CYP7B1: variants seen among roughly 807,000 people sequenced by gnomAD.
CYP7B1 encodes the protein cytochrome P450 7B1.
A neutral mutation model predicts 42.7 loss-of-function variants in CYP7B1; 29 were observed. That is an observed-to-expected ratio of 0.68 (90% CI 0.51 to 0.93). The LOEUF is 0.93. Ranked by LOEUF, CYP7B1 falls within the 40% of genes least tolerant of loss-of-function variation. CYP7B1 has a pLI of 0.00. For missense variants in CYP7B1, 655 were observed against 600.5 expected, an observed-to-expected ratio of 1.09 and a Z score of -0.95; for synonymous variants, 235 against 218.2, an observed-to-expected ratio of 1.08 and a Z score of -0.68.
chr8:64,586,662 C>CT (rs1441211366), downstream of CYP7B1, among the ~76,000 whole-genome samples: 1 of 152,180 alleles, frequency 6.6e-6, no homozygotes, highest in East Asian at 1.9e-4. Flanking sequence ...ACAAAGGTGC[C>CT]TTTAAACAAA....
chr8:64,705,229 T>G (rs1300917406), intron 1 of CYP7B1, among the ~76,000 whole-genome samples: 2 of 149,876 alleles, frequency 1.3e-5, no homozygotes, highest in African/African-American at 4.9e-5. Flanking sequence ...TTCAAAAAGG[T>G]GGGGGGGGGA....
At chr8:64,633,468 T>C (rs368581146) in intron 1 of CYP7B1, among the ~76,000 whole-genome samples, 6 of 152,270 alleles carry the variant, frequency 3.9e-5, no homozygotes, top group Admixed American at 2.6e-4. Context: ...CAATGAACAA[T>C]TGGTATTTGA....
intron 1 of CYP7B1, among the ~76,000 whole-genome samples, chr8:64,632,821 C>G (rs1293589539): frequency 6.6e-6 from 1 of 151,974 alleles, no homozygotes; most frequent in Non-Finnish European, 1.5e-5. Context: ...TATCCAATAT[C>G]ATTCTGGAAG....
At chr8:64,657,932 T>C (rs1168584560) in intron 1 of CYP7B1, among the ~76,000 whole-genome samples, 1 of 152,238 alleles carries the variant, frequency 6.6e-6, no homozygotes, top group Non-Finnish European at 1.5e-5. Flanking sequence ...CTCATAGTTC[T>C]GGAGGCTGGG....
intron 1 of CYP7B1, among the ~76,000 whole-genome samples, chr8:64,685,171 G>A (rs1184336407): frequency 9.2e-5 from 14 of 151,974 alleles, no homozygotes; most frequent in African/African-American, 4.8e-5. Context: ...GGCGAGCGCC[G>A]CCCGGGAGGC....
At chr8:64,780,575 C>A (rs1563425974) in intron 1 of CYP7B1, among the ~76,000 whole-genome samples, 1 of 152,032 alleles carries the variant, frequency 6.6e-6, no homozygotes, top group Non-Finnish European at 1.5e-5. Flanking sequence ...ATGCCAAACC[C>A]ATAAAAATGA....
intron 1 of CYP7B1, among the ~76,000 whole-genome samples, chr8:64,731,636 T>C (rs548011839): frequency 1.3e-5 from 2 of 152,320 alleles, no homozygotes; most frequent in Admixed American, 1.3e-4. Context: ...GAGCTGAATG[T>C]TAATCACAAA....
intron 1 of CYP7B1, among the ~76,000 whole-genome samples, chr8:64,680,099 T>G (rs1472459362): frequency 6.6e-6 from 1 of 151,906 alleles, no homozygotes; most frequent in African/African-American, 2.4e-5. Context: ...ACCATTATAC[T>G]CTGCTTGTAT....
intron 1 of CYP7B1, among the ~76,000 whole-genome samples, chr8:64,696,025 A>G (rs1806823296): frequency 6.6e-6 from 1 of 152,216 alleles, no homozygotes; most frequent in Admixed American, 6.6e-5. Flanking sequence ...ATTGGACATT[A>G]ATTCATTCCT....
At chr8:64,644,860 T>G (rs1805924019) in intron 1 of CYP7B1, among the ~76,000 whole-genome samples, 1 of 151,444 alleles carries the variant, frequency 6.6e-6, no homozygotes, top group African/African-American at 2.4e-5. Context: ...GCTGCACCCA[T>G]TAACTCGTCA....
rs1344888676 is a variant in CYP7B1 at position 64,685,763 on chromosome 8, G to T, written c.123-61224C>A. Among the ~76,000 whole-genome samples, 68 of 59,114 alleles carry T rather than the reference G, an allele frequency of 1.2e-3. 13 individuals are homozygous for T. Among genetic ancestry groups the T allele is most frequent in the African/African-American group, 3.4e-3 (68 of 19,898 alleles). 38.8% of individuals were successfully genotyped at this position (59,114 alleles called of 152,430 possible). ...TCTCCGCCCGGCAGCCACCCCATCCGGGAGGGAGGTGGGGGGGGGTCAGCC... is the reference window on the plus strand; with the variant it reads ...TCTCCGCCCGGCAGCCACCCCATCCTGGAGGGAGGTGGGGGGGGGTCAGCC... On this transcript the variant is annotated intron_variant, in intron 1 of 5. Coordinates refer to ENST00000310193, the MANE Select transcript of CYP7B1 (RefSeq NM_004820.5).
chr8:64,615,905 T>G lies in CYP7B1; in HGVS notation c.636A>C (p.Leu212=). Residue 212 remains leucine, a synonymous_variant, in exon 3 of 6, where the codon CTA becomes CTC. Transcript: ENST00000310193. The part of the protein sequence containing the change: ...VCDNNKFISE[L]RDDFLKFDDK... ...CATCAAATTTTAAAAAATCATCTCTTAGCTCACTAATAAATTTGTTGTTGT... is the reference window on the plus strand; with the variant it reads ...CATCAAATTTTAAAAAATCATCTCTGAGCTCACTAATAAATTTGTTGTTGT... 1 of 1,613,632 alleles carries G rather than the reference T, an allele frequency of 6.2e-7. No homozygotes were observed. Among genetic ancestry groups the G allele is most frequent in the Non-Finnish European group, 8.5e-7 (1 of 1,179,766 alleles).
chr8:64,641,994 A>G (rs1274647737), intron 1 of CYP7B1, among the ~76,000 whole-genome samples: 1 of 152,322 alleles, frequency 6.6e-6, no homozygotes, highest in Non-Finnish European at 1.5e-5. Context: ...CTAGCCAAAA[A>G]TGACTCATAA....
chr8:64,645,911 G>A (rs568207248), intron 1 of CYP7B1, among the ~76,000 whole-genome samples: 97 of 152,208 alleles, frequency 6.4e-4, no homozygotes, highest in African/African-American at 2.3e-3. Context: ...ACAACTATCT[G>A]ATCTTTGACA....
intron 1 of CYP7B1, among the ~76,000 whole-genome samples, chr8:64,694,003 A>G (rs972565776): frequency 1.3e-5 from 2 of 152,332 alleles, no homozygotes; most frequent in East Asian, 3.9e-4. Context: ...TCTGTCCTCA[A>G]TACGCGTTGA....
At position 64,677,279 on chromosome 8, in the gene CYP7B1, C is replaced by T. The variant is rs78840254; in HGVS notation, c.123-52740G>A. ...GCTTACCAGACAATCAAAAATCCTA[C>T]GGAAAAAAAACCCTAAACCTTTTAA... On this transcript the variant is annotated intron_variant, in intron 1 of 5. Transcript: ENST00000310193. 1.4e-3 allele frequency among the ~76,000 whole-genome samples: 211 copies of T among 151,386 alleles called. 2 individuals carry two copies. The East Asian group carries it at 0.017, about 12-fold the overall frequency.
chr8:64,715,509 T>C (rs1807141870), intron 1 of CYP7B1, among the ~76,000 whole-genome samples: 1 of 152,208 alleles, frequency 6.6e-6, no homozygotes, highest in African/African-American at 2.4e-5. Flanking sequence ...TTCCTCCTTA[T>C]AGATTTTACT....
intron 1 of CYP7B1, among the ~76,000 whole-genome samples, chr8:64,673,227 C>T (rs1806393292): frequency 6.6e-6 from 1 of 152,090 alleles, no homozygotes; most frequent in African/African-American, 2.4e-5. Context: ...CAATCCTGTT[C>T]TGCATAATGT....
chr8:64,794,835 A>C (rs1223606317), intron 1 of CYP7B1, among the ~76,000 whole-genome samples: 1 of 152,246 alleles, frequency 6.6e-6, no homozygotes, highest in Non-Finnish European at 1.5e-5. Flanking sequence ...CCATGAGTTC[A>C]GAATAATTAG....
Sources: allele counts gnomAD v4.1 joint callset (sites outside exome capture counted in the v4.1 genomes callset), GRCh38; gene constraint gnomAD v4.1.1; transcripts MANE v1.5; gene names NCBI Gene and HGNC (gene_info 2026-07-23, HGNC 2026-07-21).